Variants in NPIPA9 observed in about 807,000 individuals in gnomAD.
The protein encoded by NPIPA9 is nuclear pore complex interacting protein family member A9.
At chr16:18,365,166 CG>C (rs1366338006) in intron 4 of NPIPA9, among the ~76,000 whole-genome samples, 32 of 77,358 alleles carry the variant, frequency 4.1e-4, no homozygotes, top group African/African-American at 2.5e-3. Context: ...CCCAGCTAGT[CG>C]GGAGGCTGAG....
intron 2 of NPIPA9, among the ~76,000 whole-genome samples, chr16:18,374,211 G>A (rs1265734197): frequency 9.6e-5 from 2 of 20,854 alleles, no homozygotes; most frequent in Non-Finnish European, 2.0e-4. Context: ...TGAGGCAGGC[G>A]GATCACGAGG....
At chr16:18,371,642 A>C (rs1900551188) in intron 3 of NPIPA9, among the ~76,000 whole-genome samples, 1 of 72,436 alleles carries the variant, frequency 1.4e-5, no homozygotes, top group South Asian at 5.0e-4. Flanking sequence ...CTGGGATAAC[A>C]GGTACGCACC....
chr16:18,372,172 G>A, intron 3 of NPIPA9: 1 of 23,874 alleles, frequency 4.2e-5, no homozygotes, highest in East Asian at 7.6e-4. Context: ...GGAAGTAAGG[G>A]AAGGGAAAGG....
At position 18,371,537 on chromosome 16, in the gene NPIPA9, T is replaced by C. The variant is rs369952483; in HGVS notation, c.63+1186A>G. Among the ~76,000 whole-genome samples the C allele has an allele frequency of 3.4e-3, 429 of 124,988 alleles. 9 individuals are homozygous for C. The highest frequency in any genetic ancestry group is 5.0e-3 in the Non-Finnish European group (293 of 58,110). 82.0% of individuals were successfully genotyped at this position (124,988 alleles called of 152,430 possible). On this transcript the variant is annotated intron_variant, in intron 3 of 9. Coordinates refer to ENST00000427999, the Ensembl canonical transcript of NPIPA9. The stretch of plus-strand genomic sequence containing the variant: ...TTCACTTTGTTTTGGTCCGTTTTGT[T>C]TGTTAGAGACAAGAGTGCAGCGGGG...
intron 4 of NPIPA9, among the ~76,000 whole-genome samples, chr16:18,364,969 A>ACACACACACAC (rs58690022): frequency 8.4e-6 from 1 of 119,636 alleles, no homozygotes; most frequent in Non-Finnish European, 1.8e-5. Context: ...ACACACACAC[A>ACACACACACAC]ACACAACACA....
At chr16:18,363,528 G>A (rs1203456345) in intron 6 of NPIPA9, among the ~76,000 whole-genome samples, 1 of 103,242 alleles carries the variant, frequency 9.7e-6, no homozygotes, top group African/African-American at 4.4e-5. Flanking sequence ...TTGGCCGAAT[G>A]TGGTGGCACA....
At chr16:18,365,036 A>T (rs1327717686) in intron 4 of NPIPA9, among the ~76,000 whole-genome samples, 3 of 116,588 alleles carry the variant, frequency 2.6e-5, no homozygotes, top group African/African-American at 1.2e-4. Flanking sequence ...GCACTTTGGG[A>T]GGCCGAGGCA....
At chr16:18,363,553 G>A (rs1239965804) in intron 6 of NPIPA9, among the ~76,000 whole-genome samples, 2,798 of 66,504 alleles carry the variant, frequency 0.042, 2 homozygotes, top group East Asian at 0.13. Flanking sequence ...TGTAATCCAA[G>A]CTACTCGGGA....
At chr16:18,364,969 A>C (rs1325274441) in intron 4 of NPIPA9, among the ~76,000 whole-genome samples, 6 of 119,730 alleles carry the variant, frequency 5.0e-5, no homozygotes, top group African/African-American at 1.4e-4. Context: ...ACACACACAC[A>C]ACACAACACA....
intron 3 of NPIPA9, among the ~76,000 whole-genome samples, chr16:18,371,589 C>T (rs1226288549): frequency 9.8e-6 from 1 of 101,598 alleles, no homozygotes; most frequent in African/African-American, 4.1e-5. Context: ...CAACGTCCAG[C>T]TCCTGGGCCC....
intron 4 of NPIPA9, among the ~76,000 whole-genome samples, chr16:18,364,937 TCA>T (rs1161767470): frequency 5.8e-5 from 7 of 120,196 alleles, no homozygotes; most frequent in Admixed American, 5.4e-4. Flanking sequence ...TGAGACTCTG[TCA>T]CACACACACA....
chr16:18,363,495 A>C (rs1900471385), intron 6 of NPIPA9, among the ~76,000 whole-genome samples: 1 of 112,824 alleles, frequency 8.9e-6, no homozygotes. Context: ...ACTCTGTCTC[A>C]AAAAAAAAAA....
chr16:18,365,308 C>T (rs1271366984), intron 4 of NPIPA9, among the ~76,000 whole-genome samples: 2 of 74,478 alleles, frequency 2.7e-5, no homozygotes, highest in East Asian at 2.7e-4. Context: ...AGGCCAGGTG[C>T]GGTAGCTCAC....
intron 3 of NPIPA9, among the ~76,000 whole-genome samples, chr16:18,370,509 T>C (rs1900528964): frequency 1.3e-5 from 1 of 79,370 alleles, no homozygotes; most frequent in Non-Finnish European, 2.6e-5. Context: ...ATTTTAAATG[T>C]TTCTTTCAAG....
At chr16:18,364,960 C>A (rs1279295896) in intron 4 of NPIPA9, among the ~76,000 whole-genome samples, 1 of 1,624 alleles carries the variant, frequency 6.2e-4, no homozygotes, top group Non-Finnish European at 0.024. Context: ...CACACACACA[C>A]ACACACACAA....
intron 4 of NPIPA9, among the ~76,000 whole-genome samples, chr16:18,365,302 C>T (rs1178209702): frequency 1.2e-5 from 1 of 85,656 alleles, no homozygotes; most frequent in African/African-American, 6.6e-5. Context: ...AAATATAGGC[C>T]AGGTGCGGTA....
intron 1 of NPIPA9, among the ~76,000 whole-genome samples, chr16:18,375,742 CTT>C (rs1310988290): frequency 2.0e-4 from 11 of 56,242 alleles, no homozygotes; most frequent in South Asian, 1.3e-3. Context: ...CATGTAACCT[CTT>C]GAGGACCCCA....
intron 6 of NPIPA9, among the ~76,000 whole-genome samples, chr16:18,363,625 T>C (rs1217166744): frequency 2.0e-3 from 18 of 9,070 alleles, no homozygotes; most frequent in Non-Finnish European, 2.2e-3. Context: ...GATTGCACCA[T>C]AGCACTCCAG....
chr16:18,365,353 G>A (rs1464236764), intron 4 of NPIPA9, among the ~76,000 whole-genome samples: 2 of 47,236 alleles, frequency 4.2e-5, no homozygotes, highest in East Asian at 6.1e-4. Flanking sequence ...GGCCGAGGCG[G>A]GTGAATCACA....
Sources: gnomAD v4.1 joint callset for allele counts (sites outside exome capture counted in the v4.1 genomes callset) on GRCh38, gnomAD v4.1.1 for gene constraint, MANE v1.5 for transcripts, NCBI Gene and HGNC (gene_info 2026-07-23, HGNC 2026-07-21) for gene names.